Variants in NFIB observed in about 807,000 individuals in gnomAD.
The protein encoded by NFIB is nuclear factor I B, also known as nuclear factor 1 B-type.
NFIB carries 11 observed loss-of-function variants against 61.5 expected under a neutral mutation model. That is an observed-to-expected ratio of 0.18 (90% CI 0.11 to 0.30). NFIB has a LOEUF of 0.30. NFIB is among the 10% of genes least tolerant of loss of function. The pLI is 1.00. For missense variants in NFIB, 471 were observed against 608.9 expected (o/e 0.77, Z 2.38); for synonymous variants, 260 against 216.5 (o/e 1.20, Z -1.76).
At chr9:14,184,348 C>T (rs1047575347) in intron 2 of NFIB, among the ~76,000 whole-genome samples, 5 of 152,190 alleles carry the variant, frequency 3.3e-5, no homozygotes, top group African/African-American at 1.2e-4. Flanking sequence ...CCTCCCTCAC[C>T]CTTCCCACCA....
At chr9:14,343,546 T>A (rs1425549144) in intron 1 of NFIB, among the ~76,000 whole-genome samples, 1 of 152,188 alleles carries the variant, frequency 6.6e-6, no homozygotes, top group Non-Finnish European at 1.5e-5. Flanking sequence ...GGTTCCATGC[T>A]ACAGCCTCTG....
intron 1 of NFIB, among the ~76,000 whole-genome samples, chr9:14,346,395 G>C (rs12338722): frequency 0.41 from 61,726 of 151,002 alleles, 13,048 homozygotes; most frequent in Middle Eastern, 0.58. Flanking sequence ...GATAGGAGCC[G>C]TCTGGCCAAG....
intron 2 of NFIB, among the ~76,000 whole-genome samples, chr9:14,262,437 A>C (rs2056841782): frequency 6.6e-6 from 1 of 152,244 alleles, no homozygotes; most frequent in Admixed American, 6.5e-5. Flanking sequence ...AAACATGTTC[A>C]TAAAGGCAGC....
At chr9:14,410,942 G>T in the NFIB span, among the ~76,000 whole-genome samples, 3 of 152,148 alleles carry the variant, frequency 2.0e-5, no homozygotes, top group African/African-American at 7.2e-5. Context: ...TATTGTCAGA[G>T]TTCTGTTACC....
intron 1 of NFIB, among the ~76,000 whole-genome samples, chr9:14,349,917 C>T (rs1205425240): frequency 6.6e-6 from 1 of 152,208 alleles, no homozygotes; most frequent in Non-Finnish European, 1.5e-5. Context: ...CCCCCATTAC[C>T]GGTCCACAGT....
intron 1 of NFIB, among the ~76,000 whole-genome samples, chr9:14,354,637 G>T (rs1338725607): frequency 6.6e-5 from 10 of 152,154 alleles, no homozygotes; most frequent in Non-Finnish European, 1.5e-4. Flanking sequence ...GATCAGCCCT[G>T]GGGAATAATT....
At chr9:14,149,325 T>C (rs916256215) in intron 5 of NFIB, among the ~76,000 whole-genome samples, 2 of 152,166 alleles carry the variant, frequency 1.3e-5, no homozygotes, top group African/African-American at 4.8e-5. Context: ...ACAGGTATCC[T>C]TTTATTTTTA....
At chr9:14,397,107 C>A (rs1038464827) in intron 1 of NFIB, among the ~76,000 whole-genome samples, 11 of 152,146 alleles carry the variant, frequency 7.2e-5, no homozygotes, top group Non-Finnish European at 1.5e-4. Flanking sequence ...CTCTCTCTTT[C>A]TTTCTCACTC....
the NFIB span, among the ~76,000 whole-genome samples, chr9:14,459,048 C>T: frequency 2.6e-5 from 4 of 152,084 alleles, no homozygotes; most frequent in Non-Finnish European, 4.4e-5. Flanking sequence ...AAAAAGAGCC[C>T]GCATTGCCAA....
At chr9:14,244,276 G>C (rs2054652550) in intron 2 of NFIB, among the ~76,000 whole-genome samples, 1 of 152,094 alleles carries the variant, frequency 6.6e-6, no homozygotes, top group African/African-American at 2.4e-5. Context: ...ATAAGCATAA[G>C]AAATTTGTAG....
the NFIB span, among the ~76,000 whole-genome samples, chr9:14,524,053 TC>T: frequency 6.6e-6 from 1 of 152,278 alleles, no homozygotes; most frequent in South Asian, 2.1e-4. Context: ...CTCATTGGAT[TC>T]CCCTCTCTAT....
chr9:14,157,334 G>GA (rs1239501910), intron 3 of NFIB, among the ~76,000 whole-genome samples: 3 of 152,090 alleles, frequency 2.0e-5, no homozygotes, highest in Non-Finnish European at 4.4e-5. Flanking sequence ...TGAAAAGACA[G>GA]AAAATCATTC....
chr9:14,489,545 G>GT, the NFIB span, among the ~76,000 whole-genome samples: 1 of 151,992 alleles, frequency 6.6e-6, no homozygotes, highest in African/African-American at 2.4e-5. Flanking sequence ...GCATGCAAGT[G>GT]TTAAAAAATG....
intron 2 of NFIB, among the ~76,000 whole-genome samples, chr9:14,245,880 G>GATA (rs1048719688): frequency 1.3e-5 from 2 of 151,834 alleles, no homozygotes; most frequent in Admixed American, 6.6e-5. Flanking sequence ...CTCGAAAAAT[G>GATA]ATAATAATAA....
In NFIB at chr9:14,120,471, G is replaced by C; in HGVS notation, c.1214C>G (p.Ser405Cys). The C allele has an allele frequency of 1.2e-6, 2 of 1,614,092 alleles. No homozygotes were observed. Among genetic ancestry groups the C allele is most frequent in the Non-Finnish European group, 1.7e-6 (2 of 1,180,014 alleles). Residue 405 changes from serine to cysteine, a missense_variant, in exon 8 of 11, where the codon TCT becomes TGT. By Grantham distance (112) the Ser-to-Cys change is moderately radical (BLOSUM62 -1). Transcript: ENST00000380953. This position sits in a 1 kb window ranked among gnomAD's most constrained non-coding sequence, Gnocchi z 4.4. Reference sequence around the variant, plus strand: ...GGTTTGTGGACTGGATGGGTCATAAGAAGGTACATAGTTCTTCAGAGTATC... The same window carrying C: ...GGTTTGTGGACTGGATGGGTCATAACAAGGTACATAGTTCTTCAGAGTATC... ...PQDTLKNYVP[S>C]YDPSSPQTSQ...
At chr9:14,183,657 G>C (rs1467335592) in intron 2 of NFIB, among the ~76,000 whole-genome samples, 2 of 151,796 alleles carry the variant, frequency 1.3e-5, no homozygotes, top group Non-Finnish European at 2.9e-5. Flanking sequence ...CGCCTACCTC[G>C]GCCTCCCAAA....
chr9:14,464,321 A>G, the NFIB span, among the ~76,000 whole-genome samples: 113,724 of 152,102 alleles, frequency 0.75, 42,778 homozygotes, highest in East Asian at 0.88. Context: ...AAGGAGGTAC[A>G]GAGACCTCAA....
intron 10 of NFIB, chr9:14,102,458 C>T: frequency 1.9e-6 from 3 of 1,550,290 alleles, no homozygotes; most frequent in Non-Finnish European, 2.6e-6. Flanking sequence ...CTCACTGGTA[C>T]TGGGGTATAA....
chr9:14,479,685 T>C, the NFIB span, among the ~76,000 whole-genome samples: 9 of 152,196 alleles, frequency 5.9e-5, no homozygotes, highest in Non-Finnish European at 8.8e-5. Context: ...CATTTGTAAA[T>C]TGGGTATTAC....
Sources: allele counts gnomAD v4.1 joint callset (sites outside exome capture counted in the v4.1 genomes callset), GRCh38; gene constraint gnomAD v4.1.1; non-coding constraint Gnocchi (gnomAD v3.1); transcripts MANE v1.5; gene names NCBI Gene and HGNC (gene_info 2026-07-23, HGNC 2026-07-21).